The following GRB14 variants were observed in gnomAD, a reference collection of about 807,000 sequenced individuals.
GRB14 encodes growth factor receptor-bound protein 14.
A neutral mutation model predicts 69.1 loss-of-function variants in GRB14; 38 were observed. The observed-to-expected ratio is 0.55, with a 90% CI of 0.42 to 0.72. The LOEUF (loss-of-function observed/expected upper bound fraction) is 0.72, where lower values mean the gene tolerates loss of function less well. Among genes scored for constraint, GRB14 ranks in the 30% least tolerant of loss-of-function variants. The pLI is 0.00. For synonymous variants in GRB14, 247 were observed against 241.3 expected (o/e 1.02, Z -0.22); for missense variants, 666 against 666.1 (o/e 1.00, Z 0.00).
At chr2:164,533,333 C>T (rs1030339596) in intron 3 of GRB14, among the ~76,000 whole-genome samples, 1 of 147,880 alleles carries the variant, frequency 6.8e-6, no homozygotes, top group Non-Finnish European at 1.5e-5. Flanking sequence ...CCCGGGTTCA[C>T]GCCATTCTCC....
At chr2:164,503,442 C>CAAAAAAAAAAA (rs148268784) in intron 8 of GRB14, among the ~76,000 whole-genome samples, 1 of 92,256 alleles carries the variant, frequency 1.1e-5, no homozygotes, top group Non-Finnish European at 1.8e-5. Context: ...GGTAATTAGG[C>CAAAAAAAAAAA]AAAAAAAAAA....
chr2:164,498,955 G>C lies in GRB14; in HGVS notation c.1105-1465C>G, dbSNP rs190834208. Among the ~76,000 whole-genome samples, 21 of 152,182 alleles carry C rather than the reference G, an allele frequency of 1.4e-4. No homozygotes were observed. The East Asian group carries it at 4.1e-3, about 29-fold the overall frequency. ...TGACAGCTGCTCTTTCCACACAGAT[G>C]CTGTCTCTGTAATCTCTATTTGCTG... is the stretch of plus-strand genomic sequence containing the variant. On this transcript the variant is annotated intron_variant, in intron 9 of 13. Coordinates refer to ENST00000263915, the MANE Select transcript of GRB14 (RefSeq NM_004490.3).
At chr2:164,591,410 T>C (rs1171108681) in intron 2 of GRB14, among the ~76,000 whole-genome samples, 2 of 152,094 alleles carry the variant, frequency 1.3e-5, no homozygotes, top group Non-Finnish European at 2.9e-5. Context: ...CATGTAGAGG[T>C]GCCTGTAATT....
intron 8 of GRB14, among the ~76,000 whole-genome samples, 173 bp downstream of exon 8, chr2:164,508,277 CACTCT>C (rs1165046603): frequency 6.6e-6 from 1 of 152,162 alleles, no homozygotes; most frequent in Non-Finnish European, 1.5e-5. Context: ...TAGGTTATTC[CACTCT>C]ACTCCGAAAA....
chr2:164,533,325 C>T (rs998339879), intron 3 of GRB14, among the ~76,000 whole-genome samples: 1 of 149,754 alleles, frequency 6.7e-6, no homozygotes, highest in Non-Finnish European at 1.5e-5. Flanking sequence ...CTCCGCCTCC[C>T]GGGTTCACGC....
rs1690452643 is a variant in GRB14, at chr2:164,621,205, G to C, written c.105C>G (p.Asp35Glu). The C allele has an allele frequency of 8.0e-7, 1 of 1,244,230 alleles. No homozygotes were observed. Among genetic ancestry groups the C allele is most frequent in the Non-Finnish European group, 1.0e-6 (1 of 990,078 alleles). The allele number at this position is 1,244,230 out of a possible 1,614,324, so 77.1% of individuals were successfully genotyped here. A position where few individuals can be genotyped will look rare whatever the true frequency, so the allele number is the denominator to read the frequency against. Reference sequence around the variant, plus strand: ...AGGGGGCCGGCGCCAGGTCGTGGGCGTCGCCCCTCCCCTGGGCAGCGCCAC... The same window carrying C: ...AGGGGGCCGGCGCCAGGTCGTGGGCCTCGCCCCTCCCCTGGGCAGCGCCAC... ...QVCGAAQGRG[D>E]AHDLAPAPWL... The change falls in exon 1 of 14, where the codon GAC becomes GAG. Residue 35 changes from aspartate (D) to glutamate (E), a missense_variant. Physicochemically the swap from Asp to Glu is conservative, Grantham distance 45. Transcript: ENST00000263915. This position sits in a 1 kb window ranked among gnomAD's most constrained non-coding sequence, Gnocchi z 6.0.
chr2:164,512,844 G>A (rs1045876830), intron 6 of GRB14, among the ~76,000 whole-genome samples: 6 of 152,180 alleles, frequency 3.9e-5, no homozygotes, highest in East Asian at 1.9e-4. Context: ...TCTGGTCTCC[G>A]TCGTTAGCTG....
chr2:164,609,935 G>A (rs2105358573), intron 2 of GRB14, among the ~76,000 whole-genome samples: 1 of 152,244 alleles, frequency 6.6e-6, no homozygotes, highest in South Asian at 2.1e-4. Flanking sequence ...AGAGGCTTAA[G>A]ACATTAAAAA....
intron 6 of GRB14, among the ~76,000 whole-genome samples, chr2:164,515,777 G>C (rs1159903941): frequency 7.1e-6 from 1 of 140,606 alleles, no homozygotes; most frequent in Non-Finnish European, 1.5e-5. Context: ...GAAGGCACCA[G>C]AGAAAGGTGA....
At chr2:164,527,197 A>G in intron 3 of GRB14, 62 bp from the exon 4 acceptor site, 2 of 253,834 alleles carry the variant, frequency 7.9e-6, no homozygotes, top group Non-Finnish European at 1.4e-5. Context: ...ATATATATAT[A>G]TATATATATA....
chr2:164,494,566 A>C (rs533966171), intron 12 of GRB14, 42 bp from the exon 13 acceptor site: 2 of 996,394 alleles, frequency 2.0e-6, no homozygotes, highest in Admixed American at 1.7e-5. Context: ...ATATTTACTC[A>C]TGGATTTCAT....
intron 2 of GRB14, among the ~76,000 whole-genome samples, chr2:164,588,213 C>G (rs530905810): frequency 6.6e-6 from 1 of 152,248 alleles, no homozygotes; most frequent in East Asian, 1.9e-4. Context: ...TTAAATGATT[C>G]ATTTGATGGT....
At chr2:164,523,190 C>A (rs1217784797) in intron 5 of GRB14, among the ~76,000 whole-genome samples, 1 of 152,042 alleles carries the variant, frequency 6.6e-6, no homozygotes, top group African/African-American at 2.4e-5. Context: ...TCAGAGATGA[C>A]CCACCCAGCT....
chr2:164,559,272 A>G lies in GRB14; in HGVS notation c.325-11456T>C, dbSNP rs1417683290. Among the ~76,000 whole-genome samples the G allele has an allele frequency of 2.0e-5, 3 of 152,136 alleles. No individual in the cohort carries two copies. In the East Asian group the frequency reaches 5.8e-4, roughly 29 times the overall value. On this transcript the variant is annotated intron_variant, in intron 2 of 13. Transcript: ENST00000263915. The stretch of plus-strand genomic sequence containing the variant: ...TTACTTTTCCTTCATTTTTCTAAAT[A>G]TTTATTTATTTACTTTTCTTATTTT...
rs552884167 is a variant in GRB14, at chr2:164,552,002, G to A, written c.325-4186C>T. 3.3e-5 allele frequency among the ~76,000 whole-genome samples: 5 copies of A among 152,326 alleles called. No individual in the cohort carries two copies. The East Asian group carries it at 7.7e-4, about 24-fold the overall frequency. The stretch of plus-strand genomic sequence containing the variant: ...GTCAGAAGACAAAGCGGGAGCAGGG[G>A]TGTCACATGGCAAGAGAGAAAGCAA... On this transcript the variant is annotated intron_variant, in intron 2 of 13. Transcript: ENST00000263915.
At chr2:164,499,568 T>A (rs1299302787) in intron 9 of GRB14, among the ~76,000 whole-genome samples, 2 of 152,146 alleles carry the variant, frequency 1.3e-5, no homozygotes, top group African/African-American at 4.8e-5. Context: ...ACTTCTCCCC[T>A]TTTCTAGCTC....
chr2:164,499,658 G>GA (rs1005211531), intron 9 of GRB14, among the ~76,000 whole-genome samples: 2 of 151,596 alleles, frequency 1.3e-5, no homozygotes, highest in African/African-American at 2.4e-5. Context: ...TTCTTTTTAA[G>GA]AAAAAAAATA....
chr2:164,605,189 T>C (rs909896897), intron 2 of GRB14, among the ~76,000 whole-genome samples: 2 of 152,146 alleles, frequency 1.3e-5, no homozygotes, highest in Non-Finnish European at 2.9e-5. Context: ...TTTTGAAAAG[T>C]GGATAAATCC....
Position 164,621,365 on chromosome 2 carries a change from G to C in GRB14, c.-56C>G. On this transcript the variant is annotated 5_prime_UTR_variant, in exon 1 of 14. Transcript: ENST00000263915. The surrounding 1 kb of genome is among the most constrained non-coding windows in gnomAD (Gnocchi z 6.0). ...GGAGACTCGGCGCGTGGGGAGAAGG[G>C]GTTTGCGCGGCGGGAGGCGAGGTGC... is the stretch of plus-strand genomic sequence containing the variant. 1 of 1,236,902 alleles carries C rather than the reference G, an allele frequency of 8.1e-7. No individual in the cohort carries two copies. The allele number at this position is 1,236,902 out of a possible 1,614,324, so 76.6% of individuals were successfully genotyped here. A position where few individuals can be genotyped will look rare whatever the true frequency, so the allele number is the denominator to read the frequency against.
Sources: allele counts gnomAD v4.1 joint callset (sites outside exome capture counted in the v4.1 genomes callset), GRCh38; gene constraint gnomAD v4.1.1; non-coding constraint Gnocchi (gnomAD v3.1); transcripts MANE v1.5; gene names NCBI Gene and HGNC (gene_info 2026-07-23, HGNC 2026-07-21).